Variants in TMEM182 observed in about 807,000 individuals in gnomAD.
TMEM182 encodes the protein transmembrane protein 182.
A neutral mutation model predicts 26.8 loss-of-function variants in TMEM182; 20 were observed. The ratio of observed to expected loss-of-function variants is 0.75; its 90% CI spans 0.53 to 1.09. TMEM182 has a LOEUF of 1.09. Ranked by LOEUF, TMEM182 falls within the 50% of genes least tolerant of loss-of-function variation. TMEM182 has a pLI of 0.00. For synonymous variants in TMEM182, 109 were observed against 102.2 expected (o/e 1.07, Z -0.40); for missense variants, 277 against 275.5 (o/e 1.01, Z -0.04).
intron 1 of TMEM182, among the ~76,000 whole-genome samples, chr2:102,745,884 T>G (rs1350215129): frequency 6.6e-6 from 1 of 152,184 alleles, no homozygotes; most frequent in Admixed American, 6.5e-5. Context: ...GTTCTAATTT[T>G]GGGATATTAT....
chr2:102,764,158 T>C (rs944133403), intron 2 of TMEM182, among the ~76,000 whole-genome samples, 171 bp from the exon 3 acceptor site: 2 of 152,198 alleles, frequency 1.3e-5, no homozygotes, highest in African/African-American at 2.4e-5. Context: ...CATCTTGATA[T>C]GAGTTTCCTA....
intron 4 of TMEM182, among the ~76,000 whole-genome samples, chr2:102,801,128 C>T (rs74546323): frequency 1.4e-4 from 22 of 152,070 alleles, no homozygotes; most frequent in Non-Finnish European, 2.2e-4. Flanking sequence ...GCAAAAGCCC[C>T]GAGAAGTTCT....
rs184457211 is a variant in TMEM182 at position 102,809,965 on chromosome 2, C to T, written c.470-4783C>T. ...CCTCTGCATTTGTGTGGAAGCATGA[C>T]TAAAGGAGGCCATTGAATCATCTCG... On this transcript the variant is annotated intron_variant, in intron 4 of 4. Coordinates refer to ENST00000412401, the MANE Select transcript of TMEM182 (RefSeq NM_144632.5). 4.4e-4 allele frequency among the ~76,000 whole-genome samples: 67 copies of T among 152,286 alleles called. 1 individual carries two copies. The highest frequency in any genetic ancestry group is 1.1e-3 in the African/African-American group (46 of 41,560).
chr2:102,772,711 G>A (rs1558763211), intron 3 of TMEM182, among the ~76,000 whole-genome samples: 1 of 152,130 alleles, frequency 6.6e-6, no homozygotes, highest in Non-Finnish European at 1.5e-5. Flanking sequence ...CCACAAACAG[G>A]TTTGTAAAAG....
At chr2:102,793,180 A>G (rs1681722157) in intron 3 of TMEM182, among the ~76,000 whole-genome samples, 1 of 152,126 alleles carries the variant, frequency 6.6e-6, no homozygotes, top group Non-Finnish European at 1.5e-5. Flanking sequence ...GATGATTCCA[A>G]TTCATCTTTC....
chr2:102,753,194 T>C (rs1368183403), intron 1 of TMEM182, among the ~76,000 whole-genome samples: 7 of 138,174 alleles, frequency 5.1e-5, no homozygotes, highest in Admixed American at 2.2e-4. Flanking sequence ...GTTTTAAGCT[T>C]CCCCCCCCCA....
Position 102,762,591 on chromosome 2 carries a change from A to G in TMEM182, c.137A>G (p.Glu46Gly). Residue 46 changes from glutamate (E) to glycine (G), a missense_variant, in exon 2 of 5, where the codon GAG becomes GGG. By Grantham distance (98) the Glu-to-Gly change is moderately conservative. Coordinates refer to ENST00000412401, the MANE Select transcript of TMEM182 (RefSeq NM_144632.5). The stretch of plus-strand genomic sequence containing the variant: ...ACTTCATTTTGTTCTGTGCAGATAG[A>G]GAACGTCACTTTTCACCATGAAGGG... The part of the protein sequence containing the change: ...VGRCSGEKNI[E>G]NVTFHHEGFF... The G allele has an allele frequency of 2.5e-6, 4 of 1,613,476 alleles. No homozygotes were observed. The highest frequency in any genetic ancestry group is 2.2e-5 in the East Asian group (1 of 44,830).
chr2:102,746,063 A>T (rs145315775), intron 1 of TMEM182, among the ~76,000 whole-genome samples: 1 of 152,356 alleles, frequency 6.6e-6, no homozygotes, highest in East Asian at 1.9e-4. Context: ...CCAGCAGTGT[A>T]TGAGAGTTCT....
At chr2:102,808,939 T>C (rs1573560305) in intron 4 of TMEM182, among the ~76,000 whole-genome samples, 1 of 152,340 alleles carries the variant, frequency 6.6e-6, no homozygotes, top group East Asian at 1.9e-4. Flanking sequence ...AAAGAACCTC[T>C]TTGAGTGATG....
At chr2:102,822,960 G>A (rs934889367) in intron 3 of TMEM182, among the ~76,000 whole-genome samples, 20 of 152,326 alleles carry the variant, frequency 1.3e-4, no homozygotes, top group African/African-American at 4.6e-4. Flanking sequence ...TGTTCACTTA[G>A]TATGTACTAG....
At chr2:102,790,187 G>A (rs905526531) in intron 3 of TMEM182, among the ~76,000 whole-genome samples, 3 of 152,226 alleles carry the variant, frequency 2.0e-5, no homozygotes, top group Non-Finnish European at 2.9e-5. Flanking sequence ...AAAGCCCTCA[G>A]CATATGTTTG....
At chr2:102,806,219 G>A (rs954850596) in intron 4 of TMEM182, among the ~76,000 whole-genome samples, 8 of 151,438 alleles carry the variant, frequency 5.3e-5, no homozygotes, top group Non-Finnish European at 7.4e-5. Flanking sequence ...TTACATTTTC[G>A]TGTATGGAAA....
chr2:102,737,730 C>T (rs1345358801), intron 1 of TMEM182, among the ~76,000 whole-genome samples: 2 of 152,118 alleles, frequency 1.3e-5, no homozygotes, highest in Non-Finnish European at 2.9e-5. Context: ...GTGCATGACA[C>T]CAAAAGATGC....
chr2:102,825,624 C>G (rs1683017504), intron 3 of TMEM182, among the ~76,000 whole-genome samples: 1 of 152,134 alleles, frequency 6.6e-6, no homozygotes, highest in Non-Finnish European at 1.5e-5. Context: ...GACTATCCAC[C>G]CAACATTATT....
intron 3 of TMEM182, among the ~76,000 whole-genome samples, chr2:102,794,760 T>C (rs1681798451): frequency 6.6e-6 from 1 of 152,232 alleles, no homozygotes; most frequent in Admixed American, 6.5e-5. Context: ...ATTTTATTAT[T>C]ATGTGTCTTG....
At chr2:102,800,477 C>G (rs545814806) in intron 4 of TMEM182, among the ~76,000 whole-genome samples, 1 of 152,168 alleles carries the variant, frequency 6.6e-6, no homozygotes, top group Non-Finnish European at 1.5e-5. Context: ...GACCAAATCC[C>G]ATATCCTTAT....
chr2:102,801,683 T>C (rs1340469151), intron 4 of TMEM182, among the ~76,000 whole-genome samples: 2 of 152,166 alleles, frequency 1.3e-5, no homozygotes, highest in African/African-American at 4.8e-5. Flanking sequence ...AACAGGAAGC[T>C]ATAAACTCAT....
chr2:102,777,781 C>CTT (rs548360716), intron 3 of TMEM182, among the ~76,000 whole-genome samples: 2 of 130,540 alleles, frequency 1.5e-5, no homozygotes, highest in African/African-American at 5.6e-5. Flanking sequence ...TTCTCTTTTT[C>CTT]TTTTTTTTTT....
Position 102,816,725 on chromosome 2 carries a change from A to G in TMEM182, c.*1757A>G, listed in dbSNP as rs142310271. 3.0e-5 allele frequency: 30 copies of G among 985,596 alleles called. No homozygotes were observed. The South Asian group carries it at 4.2e-4, about 14-fold the overall frequency. 61.1% of individuals were successfully genotyped at this position (985,596 alleles called of 1,614,324 possible). The stretch of plus-strand genomic sequence containing the variant: ...AGGTCTGTTGTGCATGTTGACTGTG[A>G]TATTAAGTTATGGCATGCCATTAAG... On this transcript the variant is annotated 3_prime_UTR_variant, in exon 5 of 5. Coordinates refer to ENST00000412401, the MANE Select transcript of TMEM182 (RefSeq NM_144632.5).
Sources: gnomAD v4.1 joint callset for allele counts (sites outside exome capture counted in the v4.1 genomes callset) on GRCh38, gnomAD v4.1.1 for gene constraint, MANE v1.5 for transcripts, NCBI Gene and HGNC (gene_info 2026-07-23, HGNC 2026-07-21) for gene names.